The following ZPBP variants were observed in gnomAD, a reference collection of about 807,000 sequenced individuals.
The protein encoded by ZPBP is zona pellucida binding protein.
Under a neutral mutation model 44.8 loss-of-function variants are expected in ZPBP, and 26 were observed. The observed-to-expected ratio is 0.58, with a 90% CI of 0.43 to 0.81. The LOEUF is 0.81. Among genes scored for constraint, ZPBP ranks in the 30% least tolerant of loss-of-function variants. ZPBP has a pLI of 0.00. For missense variants in ZPBP, 409 were observed against 434.0 expected, an observed-to-expected ratio of 0.94 and a Z score of 0.51; for synonymous variants, 174 against 153.2, an observed-to-expected ratio of 1.14 and a Z score of -1.00.
chr7:50,085,612 ACC>A (rs1802595606), intron 2 of ZPBP, among the ~76,000 whole-genome samples: 1 of 151,986 alleles, frequency 6.6e-6, no homozygotes, highest in Non-Finnish European at 1.5e-5. Flanking sequence ...ATCCTGGAAG[ACC>A]TCGTATTAAA....
chr7:49,895,607 C>T (rs1792347795), intron 2 of ZPBP, among the ~76,000 whole-genome samples: 1 of 152,202 alleles, frequency 6.6e-6, no homozygotes, highest in South Asian at 2.1e-4. Flanking sequence ...ACCAGAGCAT[C>T]CTTTAACTGA....
At chr7:49,896,445 A>G (rs563320126) in intron 2 of ZPBP, among the ~76,000 whole-genome samples, 1 of 152,342 alleles carries the variant, frequency 6.6e-6, no homozygotes, top group African/African-American at 2.4e-5. Context: ...AGAGAAAAAA[A>G]TTCCTAAATC....
At chr7:49,967,854 G>T (rs1379447505) in intron 7 of ZPBP, among the ~76,000 whole-genome samples, 4 of 152,064 alleles carry the variant, frequency 2.6e-5, no homozygotes, top group Non-Finnish European at 5.9e-5. Context: ...TTGAATATCT[G>T]GCACAGTGTG....
chr7:49,981,170 CAG>C (rs1487678790), intron 7 of ZPBP, among the ~76,000 whole-genome samples: 1 of 134,266 alleles, frequency 7.4e-6, no homozygotes, highest in African/African-American at 2.7e-5. Flanking sequence ...TTTTAAATAT[CAG>C]TGATTATTTC....
chr7:49,872,915 C>CAAAAAAAAAAAAAAAAAAAAAAAAAAA (rs61473396), intron 2 of ZPBP, among the ~76,000 whole-genome samples: 1 of 33,946 alleles, frequency 2.9e-5, no homozygotes, highest in Non-Finnish European at 5.4e-5. Flanking sequence ...GACTTTGTCT[C>CAAAAAAAAAAAAAAAAAAAAAAAAAAA]AAAAAAAAAA....
chr7:49,911,644 C>T (rs1793439137), intron 1 of ZPBP, among the ~76,000 whole-genome samples: 1 of 151,928 alleles, frequency 6.6e-6, no homozygotes, highest in Non-Finnish European at 1.5e-5. Flanking sequence ...TGCCTGTAAT[C>T]TGAGCACTTT....
intron 2 of ZPBP, among the ~76,000 whole-genome samples, chr7:49,856,901 C>T (rs1244594064): frequency 2.0e-5 from 3 of 149,114 alleles, no homozygotes; most frequent in Non-Finnish European, 4.4e-5. Context: ...CCCAGCTACT[C>T]GGGAGGCTGA....
intron 2 of ZPBP, among the ~76,000 whole-genome samples, chr7:49,886,420 T>C (rs997130648): frequency 1.3e-5 from 2 of 152,220 alleles, no homozygotes; most frequent in African/African-American, 2.4e-5. Context: ...AAAAATGATA[T>C]GATTACTTTT....
chr7:49,921,590 T>C (rs1288397419), intron 1 of ZPBP: 1 of 152,128 alleles, frequency 6.6e-6, no homozygotes, highest in Non-Finnish European at 1.5e-5. Flanking sequence ...GAGGATTAAA[T>C]GAGTGAATAT....
chr7:49,847,267 C>T (rs1789978762), downstream of ZPBP, among the ~76,000 whole-genome samples: 2 of 150,400 alleles, frequency 1.3e-5, no homozygotes, highest in Admixed American at 1.3e-4. Context: ...TTGTAAATTC[C>T]ACATCTGACT....
At chr7:49,918,169 TC>T (rs1352465253) in intron 1 of ZPBP, 1 of 152,192 alleles carries the variant, frequency 6.6e-6, no homozygotes, top group Non-Finnish European at 1.5e-5. Flanking sequence ...GGTAATGCTA[TC>T]CCCTTTGTTG....
intron 1 of ZPBP, chr7:49,915,213 C>T (rs545140401): frequency 3.3e-5 from 5 of 152,170 alleles, no homozygotes; most frequent in Non-Finnish European, 5.9e-5. Flanking sequence ...TATTTCATCC[C>T]TGCATGCAAG....
intron 1 of ZPBP, among the ~76,000 whole-genome samples, chr7:49,903,351 T>C (rs1792882692): frequency 6.6e-6 from 1 of 152,212 alleles, no homozygotes; most frequent in East Asian, 1.9e-4. Context: ...TGCCACTCAG[T>C]TGTTAAATTA....
intron 1 of ZPBP, among the ~76,000 whole-genome samples, chr7:49,910,029 A>G (rs1236965747): frequency 6.6e-6 from 1 of 151,988 alleles, no homozygotes. Flanking sequence ...GGGTCCCTTG[A>G]GCCCAGGAGA....
At chr7:49,907,772 A>C (rs1165993030) in intron 1 of ZPBP, among the ~76,000 whole-genome samples, 5 of 152,244 alleles carry the variant, frequency 3.3e-5, no homozygotes, top group Non-Finnish European at 7.3e-5. Flanking sequence ...GGTGTATTCA[A>C]AGATGTTCTG....
At chr7:49,883,085 T>C (rs1303172543) in intron 2 of ZPBP, among the ~76,000 whole-genome samples, 4 of 152,020 alleles carry the variant, frequency 2.6e-5, no homozygotes, top group Admixed American at 2.0e-4. Context: ...CAAGACCAGA[T>C]GAAATGGGCC....
At chr7:49,893,589 T>C (rs1424745753) in intron 2 of ZPBP, among the ~76,000 whole-genome samples, 2 of 152,096 alleles carry the variant, frequency 1.3e-5, no homozygotes, top group Non-Finnish European at 2.9e-5. Context: ...CATCAACATA[T>C]TTTTAGTTTA....
intron 2 of ZPBP, among the ~76,000 whole-genome samples, chr7:50,084,887 G>A (rs897214797): frequency 6.6e-6 from 1 of 151,920 alleles, no homozygotes; most frequent in East Asian, 1.9e-4. Flanking sequence ...GAAATTATCA[G>A]AAAAAACATT....
At chr7:49,988,527 T>C (rs1323256843) in intron 6 of ZPBP, among the ~76,000 whole-genome samples, 1 of 152,238 alleles carries the variant, frequency 6.6e-6, no homozygotes, top group Non-Finnish European at 1.5e-5. Flanking sequence ...GAGTATATGC[T>C]ATCAATCACA....
Sources: gnomAD v4.1 joint callset for allele counts (sites outside exome capture counted in the v4.1 genomes callset) on GRCh38, gnomAD v4.1.1 for gene constraint, MANE v1.5 for transcripts, NCBI Gene and HGNC (gene_info 2026-07-23, HGNC 2026-07-21) for gene names.